The following PHKG2 variants were observed in gnomAD, a reference collection of about 807,000 sequenced individuals.
The protein encoded by PHKG2 is phosphorylase b kinase gamma catalytic chain, liver/testis isoform.
Under a neutral mutation model 44.5 loss-of-function variants are expected in PHKG2, and 28 were observed. The observed-to-expected ratio is 0.63, with a 90% CI of 0.47 to 0.86. The LOEUF (loss-of-function observed/expected upper bound fraction) is 0.86, where lower values mean the gene tolerates loss of function less well. PHKG2 is among the 40% of genes least tolerant of loss of function. The pLI is 0.00. For synonymous variants in PHKG2, 220 were observed against 211.2 expected, an observed-to-expected ratio of 1.04 and a Z score of -0.36; for missense variants, 498 against 547.5, an observed-to-expected ratio of 0.91 and a Z score of 0.90.
In PHKG2 at chr16:30,760,330, C is replaced by G. The variant is rs151271860; in HGVS notation, c.*3233C>G. 6.2e-7 allele frequency: 1 copy of G among 1,614,216 alleles called. No individual in the cohort carries two copies. Among genetic ancestry groups the G allele is most frequent in the East Asian group, 2.2e-5 (1 of 44,884 alleles). ...CCTGGAGCAGGGCACAAGCCGCTGA[C>G]GTCTGCTCCAGTGAGAAGCCCTGCT... is the stretch of plus-strand genomic sequence containing the variant. On this transcript the variant is annotated 3_prime_UTR_variant, in exon 10 of 10. Coordinates refer to ENST00000563588, the MANE Select transcript of PHKG2 (RefSeq NM_000294.3).
chr16:30,761,017 C>T lies in PHKG2; in HGVS notation c.*3920C>T. ...ATTCTGTCTTTGGCTCTTTTTTTCTCACACTGCCTCCTCTTTGGACTGGAG... is the reference window on the plus strand; with the variant it reads ...ATTCTGTCTTTGGCTCTTTTTTTCTTACACTGCCTCCTCTTTGGACTGGAG... On this transcript the variant is annotated 3_prime_UTR_variant, in exon 10 of 10. Coordinates refer to ENST00000563588, the MANE Select transcript of PHKG2 (RefSeq NM_000294.3). 3.0e-6 allele frequency: 2 copies of T among 669,326 alleles called. No individual in the cohort carries two copies. Among genetic ancestry groups the T allele is most frequent in the South Asian group, 3.9e-5 (2 of 51,696 alleles). The allele number at this position is 669,326 out of a possible 1,614,324, so 41.5% of individuals were successfully genotyped here. A position where few individuals can be genotyped will look rare whatever the true frequency, so the allele number is the denominator to read the frequency against.
rs778184318 is a variant in PHKG2 at position 30,756,534 on chromosome 16, G to C, written c.801+14G>C. On this transcript the variant is annotated intron_variant, in intron 8 of 9. Coordinates refer to ENST00000563588, the MANE Select transcript of PHKG2 (RefSeq NM_000294.3). The stretch of plus-strand genomic sequence containing the variant: ...GTCAAAGACCTGGTGAGCGGGGGCT[G>C]AGAGGACAGTAGGGGAGGCCCAAGA... 3 of 1,612,646 alleles carry C rather than the reference G, an allele frequency of 1.9e-6. No individual in the cohort carries two copies. Among genetic ancestry groups the C allele is most frequent in the East Asian group, 2.2e-5 (1 of 44,900 alleles).
Position 30,760,045 on chromosome 16 carries a change from C to T in PHKG2, c.*2948C>T, listed in dbSNP as rs1216932323. On this transcript the variant is annotated 3_prime_UTR_variant, in exon 10 of 10. Transcript: ENST00000563588. Reference sequence around the variant, plus strand: ...ACATTCTAAAGCAGGTGTTATTGTGCACTATGCATATATTTGCATATATTA... The same window carrying T: ...ACATTCTAAAGCAGGTGTTATTGTGTACTATGCATATATTTGCATATATTA... The T allele has an allele frequency of 8.6e-6, 13 of 1,518,112 alleles. No individual in the cohort carries two copies. The highest frequency in any genetic ancestry group is 2.5e-5 in the East Asian group (1 of 40,736). 94.0% of individuals were successfully genotyped at this position (1,518,112 alleles called of 1,614,324 possible).
chr16:30,751,274 C>G lies in PHKG2; in HGVS notation c.264C>G (p.Pro88=), dbSNP rs774768035. 3 of 1,609,550 alleles carry G rather than the reference C, an allele frequency of 1.9e-6. No homozygotes were observed. The highest frequency in any genetic ancestry group is 2.5e-6 in the Non-Finnish European group (3 of 1,179,988). The part of the protein sequence containing the change: ...THILRQVAGH[P]HIITLIDSYE... ...TCCTTCGCCAGGTCGCCGGCCACCC[C>G]CACATCAGTGAGGCTGTCTTCCTTG... Residue 88 remains proline, a synonymous_variant, in exon 3 of 10, where the codon CCC becomes CCG. Coordinates refer to ENST00000563588, the MANE Select transcript of PHKG2 (RefSeq NM_000294.3).
At position 30,760,501 on chromosome 16, in the gene PHKG2, C is replaced by A; in HGVS notation, c.*3404C>A. 3.1e-6 allele frequency: 5 copies of A among 1,612,246 alleles called. No individual in the cohort carries two copies. The highest frequency in any genetic ancestry group is 4.2e-6 in the Non-Finnish European group (5 of 1,179,008). Reference sequence around the variant, plus strand: ...GTGACAACTGGGCCTCCTTTCATCACCCTACACCCACCACATGCTTTGGAG... The same window carrying A: ...GTGACAACTGGGCCTCCTTTCATCAACCTACACCCACCACATGCTTTGGAG... On this transcript the variant is annotated 3_prime_UTR_variant, in exon 10 of 10. Coordinates refer to ENST00000563588, the MANE Select transcript of PHKG2 (RefSeq NM_000294.3).
In PHKG2 at chr16:30,751,246, A is replaced by G. The variant is rs2053339364; in HGVS notation, c.236A>G (p.His79Arg). ...CGGGAAGCCACACGGCGAGAGACACACATCCTTCGCCAGGTCGCCGGCCAC... is the reference window on the plus strand; with the variant it reads ...CGGGAAGCCACACGGCGAGAGACACGCATCCTTCGCCAGGTCGCCGGCCAC... The part of the protein sequence containing the change: ...EVREATRRET[H>R]ILRQVAGHPH... Residue 79 changes from histidine (H) to arginine (R), a missense_variant, in exon 3 of 10, where the codon CAC becomes CGC. Physicochemically the swap from His to Arg is conservative, Grantham distance 29. Coordinates refer to ENST00000563588, the MANE Select transcript of PHKG2 (RefSeq NM_000294.3). 4 of 1,612,432 alleles carry G rather than the reference A, an allele frequency of 2.5e-6. No individual in the cohort carries two copies. In the African/African-American group the frequency reaches 5.3e-5, roughly 21 times the overall value.
chr16:30,760,658 C>A lies in PHKG2; in HGVS notation c.*3561C>A. The A allele has an allele frequency of 6.5e-7, 1 of 1,549,204 alleles. No homozygotes were observed. The highest frequency in any genetic ancestry group is 8.7e-7 in the Non-Finnish European group (1 of 1,147,436). ...TCCAGCTGGTGCATGGAATGGACGT[C>A]CAGGTACTTCCTGTTATAGTAAAAG... On this transcript the variant is annotated 3_prime_UTR_variant, in exon 10 of 10. Coordinates refer to ENST00000563588, the MANE Select transcript of PHKG2 (RefSeq NM_000294.3).
In PHKG2 at chr16:30,759,243, C is replaced by A; in HGVS notation, c.*2146C>A. 6.2e-7 allele frequency: 1 copy of A among 1,614,148 alleles called. No individual in the cohort carries two copies. Among genetic ancestry groups the A allele is most frequent in the Non-Finnish European group, 8.5e-7 (1 of 1,180,032 alleles). On this transcript the variant is annotated 3_prime_UTR_variant, in exon 10 of 10. Transcript: ENST00000563588. Reference sequence around the variant, plus strand: ...CATGTAAGTCAAAGACAGATCCAGCCGCACCTGGGAAGCAAGGCAGAGGGA... The same window carrying A: ...CATGTAAGTCAAAGACAGATCCAGCAGCACCTGGGAAGCAAGGCAGAGGGA...
chr16:30,749,280 C>CTGTG, intron 2 of PHKG2, among the ~76,000 whole-genome samples: 1 of 147,662 alleles, frequency 6.8e-6, no homozygotes, highest in African/African-American at 2.5e-5. Flanking sequence ...GTGTGTGTGT[C>CTGTG]TGTGTGTGTG....
Position 30,757,324 on chromosome 16 carries a change from T to C in PHKG2, c.*227T>C, listed in dbSNP as rs937811243. The C allele has an allele frequency of 1.7e-4, 261 of 1,531,536 alleles. No homozygotes were observed. The highest frequency in any genetic ancestry group is 2.2e-4 in the Non-Finnish European group (255 of 1,144,996). 94.9% of individuals were successfully genotyped at this position (1,531,536 alleles called of 1,614,324 possible). A position where few individuals can be genotyped will look rare whatever the true frequency, so the allele number is the denominator to read the frequency against. ...CACGCCTGGCCCGGTCAGTGCTGCA[T>C]GCACTGCATATGAAATAAAATCTGC... On this transcript the variant is annotated 3_prime_UTR_variant, in exon 10 of 10. Transcript: ENST00000563588.
rs1279752543 is a variant in PHKG2, at chr16:30,756,607, G to A, written c.819G>A (p.Gln273=). 3 of 1,613,830 alleles carry A rather than the reference G, an allele frequency of 1.9e-6. No individual in the cohort carries two copies. The highest frequency in any genetic ancestry group is 2.5e-6 in the Non-Finnish European group (3 of 1,180,028). The change falls in exon 9 of 10, where the codon CAG becomes CAA. Residue 273 remains glutamine, a synonymous_variant. Coordinates refer to ENST00000563588, the MANE Select transcript of PHKG2 (RefSeq NM_000294.3). ...TCTCCTAGATCTCCAGGCTGCTGCA[G>A]GTGGATCCTGAGGCACGCCTGACAG... ...TVKDLISRLL[Q]VDPEARLTAE...
rs371346868 is a variant in PHKG2, at chr16:30,756,951, G to A, written c.1075G>A (p.Gly359Arg). 2.2e-5 allele frequency: 36 copies of A among 1,613,422 alleles called. No homozygotes were observed. Among genetic ancestry groups the A allele is most frequent in the Admixed American group, 5.0e-5 (3 of 60,000 alleles). Residue 359 changes from glycine (G) to arginine (R), a missense_variant, in exon 10 of 10, where the codon GGG becomes AGG. Physicochemically the swap from Gly to Arg is moderately radical, Grantham distance 125 (BLOSUM62 -2). Transcript: ENST00000563588. ...CGACAACTGTGCCTTCCGGCTCTAC[G>A]GGCACTGGGTAAAGAAAGGGGAGCA... The part of the protein sequence containing the change: ...LIDNCAFRLY[G>R]HWVKKGEQQN...
At position 30,749,118 on chromosome 16, in the gene PHKG2, C is replaced by CTGG. The variant is rs1168153773; in HGVS notation, c.95+206_95+208dup. 1.8e-3 allele frequency among the ~76,000 whole-genome samples: 11 copies of CTGG among 6,064 alleles called. 4 individuals are homozygous for CTGG. The highest frequency in any genetic ancestry group is 2.3e-3 in the African/African-American group (7 of 3,050). 4.0% of individuals were successfully genotyped at this position (6,064 alleles called of 152,430 possible). ...GCTGCTGCTGCTGCTGCTGGTGGTG[C>CTGG]TGGTGCTGGTGGTGGTGGTGCTGGT... On this transcript the variant is annotated intron_variant, in intron 2 of 9. Transcript: ENST00000563588.
chr16:30,756,233 T>A lies in PHKG2; in HGVS notation c.608T>A (p.Met203Lys). 1 of 1,614,144 alleles carries A rather than the reference T, an allele frequency of 6.2e-7. No homozygotes were observed. The highest frequency in any genetic ancestry group is 8.5e-7 in the Non-Finnish European group (1 of 1,180,008). Residue 203 changes from methionine to lysine, a missense_variant, in exon 7 of 10, where the codon ATG becomes AAG. Transcript: ENST00000563588. ...YLAPEILKCS[M>K]DETHPGYGKE... Reference sequence around the variant, plus strand: ...GCGCCAGAGATCCTTAAATGCTCCATGGATGAAACCCACCCAGGCTATGGC... The same window carrying A: ...GCGCCAGAGATCCTTAAATGCTCCAAGGATGAAACCCACCCAGGCTATGGC...
Position 30,760,948 on chromosome 16 carries a change from C to G in PHKG2, c.*3851C>G, listed in dbSNP as rs2053732149. ...AGTACTCCCTGTGGCCCTCAGTGTCCCCCTCTGTACAATACTCCTTAGCGG... is the reference window on the plus strand; with the variant it reads ...AGTACTCCCTGTGGCCCTCAGTGTCGCCCTCTGTACAATACTCCTTAGCGG... On this transcript the variant is annotated 3_prime_UTR_variant, in exon 10 of 10. Coordinates refer to ENST00000563588, the MANE Select transcript of PHKG2 (RefSeq NM_000294.3). The G allele has an allele frequency of 1.6e-6, 1 of 609,770 alleles. No homozygotes were observed. 37.8% of individuals were successfully genotyped at this position (609,770 alleles called of 1,614,324 possible).
intron 6 of PHKG2, among the ~76,000 whole-genome samples, chr16:30,753,891 T>C (rs2053383480): frequency 6.6e-6 from 1 of 152,236 alleles, no homozygotes; most frequent in Non-Finnish European, 1.5e-5. Flanking sequence ...GTTTGGGGTC[T>C]GGAGTGCAGG....
chr16:30,757,321 G>A lies in PHKG2; in HGVS notation c.*224G>A. On this transcript the variant is annotated 3_prime_UTR_variant, in exon 10 of 10. Coordinates refer to ENST00000563588, the MANE Select transcript of PHKG2 (RefSeq NM_000294.3). ...CGCCACGCCTGGCCCGGTCAGTGCT[G>A]CATGCACTGCATATGAAATAAAATC... 6.5e-7 allele frequency: 1 copy of A among 1,530,480 alleles called. No homozygotes were observed. The highest frequency in any genetic ancestry group is 8.7e-7 in the Non-Finnish European group (1 of 1,144,824). The allele number at this position is 1,530,480 out of a possible 1,614,324, so 94.8% of individuals were successfully genotyped here. A position where few individuals can be genotyped will look rare whatever the true frequency, so the allele number is the denominator to read the frequency against.
chr16:30,757,329 T>C lies in PHKG2; in HGVS notation c.*232T>C. Reference sequence around the variant, plus strand: ...CTGGCCCGGTCAGTGCTGCATGCACTGCATATGAAATAAAATCTGCTACAC... The same window carrying C: ...CTGGCCCGGTCAGTGCTGCATGCACCGCATATGAAATAAAATCTGCTACAC... On this transcript the variant is annotated 3_prime_UTR_variant, in exon 10 of 10. Coordinates refer to ENST00000563588, the MANE Select transcript of PHKG2 (RefSeq NM_000294.3). The C allele has an allele frequency of 6.5e-7, 1 of 1,528,826 alleles. No individual in the cohort carries two copies. Among genetic ancestry groups the C allele is most frequent in the Non-Finnish European group, 8.7e-7 (1 of 1,143,076 alleles). 94.7% of individuals were successfully genotyped at this position (1,528,826 alleles called of 1,614,324 possible). A position where few individuals can be genotyped will look rare whatever the true frequency, so the allele number is the denominator to read the frequency against.
Position 30,756,418 on chromosome 16 carries a change from C to G in PHKG2, c.699C>G (p.Phe233Leu). ...LFTLLAGSPP[F>L]WHRRQILMLR... ...CACTCCTGGCTGGCTCGCCACCCTT[C>G]TGGCACCGGCGGCAGATCCTGATGT... The change falls in exon 8 of 10, where the codon TTC becomes TTG. Residue 233 changes from phenylalanine to leucine, a missense_variant. Transcript: ENST00000563588. 6.2e-7 allele frequency: 1 copy of G among 1,614,068 alleles called. No homozygotes were observed. Among genetic ancestry groups the G allele is most frequent in the Non-Finnish European group, 8.5e-7 (1 of 1,180,030 alleles).
Sources: gnomAD v4.1 joint callset for allele counts (sites outside exome capture counted in the v4.1 genomes callset) on GRCh38, gnomAD v4.1.1 for gene constraint, MANE v1.5 for transcripts, NCBI Gene and HGNC (gene_info 2026-07-23, HGNC 2026-07-21) for gene names.